Variants in AFF3 observed in about 807,000 individuals in gnomAD.
The protein encoded by AFF3 is AF4/FMR2 family member 3.
In AFF3, 32 loss-of-function variants were observed where a neutral mutation model predicts 129.7. That is an observed-to-expected ratio of 0.25 (90% CI 0.19 to 0.33). The LOEUF is 0.33. AFF3 is among the 10% of genes least tolerant of loss of function. AFF3 has a pLI of 1.00. For synonymous variants in AFF3, 644 were observed against 635.4 expected, an observed-to-expected ratio of 1.01 and a Z score of -0.20; for missense variants, 1,373 against 1,592.0, an observed-to-expected ratio of 0.86 and a Z score of 2.34.
intron 11 of AFF3, among the ~76,000 whole-genome samples, chr2:99,719,040 C>T (rs925088174): frequency 4.2e-4 from 60 of 143,064 alleles, no homozygotes; most frequent in African/African-American, 1.5e-3. Context: ...TGTGAGCCAA[C>T]GCGCCCGGCC....
At chr2:99,911,392 A>G (rs1305195351) in intron 7 of AFF3, among the ~76,000 whole-genome samples, 3 of 147,146 alleles carry the variant, frequency 2.0e-5, no homozygotes, top group Non-Finnish European at 3.0e-5. Context: ...CATCTCTGGA[A>G]AAAAAAAAAA....
intron 4 of AFF3, among the ~76,000 whole-genome samples, chr2:100,081,733 G>A (rs1173260843): frequency 6.6e-6 from 1 of 152,218 alleles, no homozygotes; most frequent in Non-Finnish European, 1.5e-5. Flanking sequence ...ATTGAGGGTT[G>A]AGTGTAAGGT....
chr2:100,024,245 A>G lies in AFF3; in HGVS notation c.54-15313T>C, dbSNP rs1024871711. Among the ~76,000 whole-genome samples, 17 of 147,752 alleles carry G rather than the reference A, an allele frequency of 1.2e-4. No individual in the cohort carries two copies. In the Admixed American group the frequency reaches 1.2e-3, roughly 10 times the overall value. ...AGACTCCGTCTCAAAAAAAAAAAAA[A>G]AAAAAAAAAAAGAATTTCACTACAG... On this transcript the variant is annotated intron_variant, in intron 4 of 24. Coordinates refer to ENST00000672756, the MANE Select transcript of AFF3 (RefSeq NM_001386135.1).
intron 4 of AFF3, among the ~76,000 whole-genome samples, chr2:100,019,290 A>G (rs1683392194): frequency 6.6e-6 from 1 of 152,356 alleles, no homozygotes; most frequent in African/African-American, 2.4e-5. Flanking sequence ...GGTTTCTGAA[A>G]AGGACTAAGA....
In AFF3 at chr2:100,139,963, G is replaced by A. The variant is rs111673820; in HGVS notation, c.-228+2521C>T. On this transcript the variant is annotated intron_variant, in intron 1 of 24. Transcript: ENST00000672756. ...AAATTATGGAACATCAGCTCCAGAG[G>A]GTGCAAATGGGTCATTTGAAAGAAC... 2.0e-3 allele frequency among the ~76,000 whole-genome samples: 301 copies of A among 152,218 alleles called. 1 individual carries two copies. Among genetic ancestry groups the A allele is most frequent in the South Asian group, 4.2e-3 (20 of 4,814 alleles).
intron 14 of AFF3, among the ~76,000 whole-genome samples, chr2:99,601,105 C>G (rs981852081): frequency 7.2e-5 from 11 of 152,184 alleles, no homozygotes; most frequent in African/African-American, 2.4e-4. Flanking sequence ...AGCGACTGCC[C>G]TGGCTGACCC....
chr2:99,579,346 G>A lies in AFF3; in HGVS notation c.2794-895C>T, dbSNP rs530349338. 1.7e-4 allele frequency among the ~76,000 whole-genome samples: 26 copies of A among 149,306 alleles called. No homozygotes were observed. In the East Asian group the frequency reaches 4.0e-3, roughly 23 times the overall value. ...CTTGAAACCTGGAGGCAGAGGTTGC[G>A]GTGAGCCGAGACCATGCCATTGCAC... On this transcript the variant is annotated intron_variant, in intron 17 of 24. Transcript: ENST00000672756.
At chr2:100,134,397 T>C (rs1692550626) in intron 1 of AFF3, among the ~76,000 whole-genome samples, 1 of 152,244 alleles carries the variant, frequency 6.6e-6, no homozygotes, top group Non-Finnish European at 1.5e-5. Context: ...CTGAATTTAT[T>C]TGACAGAGCT....
chr2:99,672,627 T>C (rs1558730252), intron 11 of AFF3, 38 bp from the exon 12 acceptor site: 6 of 1,593,128 alleles, frequency 3.8e-6, no homozygotes, highest in South Asian at 2.2e-5. Context: ...GAGGTACAGA[T>C]AGTTAGTGGA....
intron 8 of AFF3, among the ~76,000 whole-genome samples, chr2:99,758,535 G>A (rs999926642): frequency 5.5e-5 from 7 of 127,496 alleles, no homozygotes; most frequent in Admixed American, 4.1e-4. Context: ...GCAGTGAGCC[G>A]AAATCATGCC....
At chr2:99,775,322 T>C (rs911201260) in intron 8 of AFF3, among the ~76,000 whole-genome samples, 1 of 152,148 alleles carries the variant, frequency 6.6e-6, no homozygotes, top group African/African-American at 2.4e-5. Flanking sequence ...CCATCAATGA[T>C]AGACTGAATA....
chr2:99,992,745 T>C (rs908579057), intron 7 of AFF3, among the ~76,000 whole-genome samples: 1 of 152,230 alleles, frequency 6.6e-6, no homozygotes, highest in Admixed American at 6.5e-5. Flanking sequence ...AAATGATTCC[T>C]TCCTTTGAAG....
intron 24 of AFF3, among the ~76,000 whole-genome samples, chr2:99,552,283 C>T (rs969856307): frequency 3.3e-5 from 5 of 151,980 alleles, no homozygotes; most frequent in African/African-American, 7.3e-5. Context: ...CCAGCTACTC[C>T]GGAGGCTGAG....
At chr2:99,554,114 C>T (rs1674688127) in intron 24 of AFF3, among the ~76,000 whole-genome samples, 197 bp downstream of exon 24, 1 of 151,992 alleles carries the variant, frequency 6.6e-6, no homozygotes, top group Non-Finnish European at 1.5e-5. Flanking sequence ...AATCAATGTA[C>T]TAGGATATTA....
intron 4 of AFF3, among the ~76,000 whole-genome samples, chr2:100,077,452 G>A (rs1688671426): frequency 2.0e-5 from 3 of 152,056 alleles, no homozygotes; most frequent in Admixed American, 2.0e-4. Flanking sequence ...CAAGGAAACA[G>A]ATTCTCCCCT....
chr2:99,851,074 C>T (rs1487212337), intron 7 of AFF3, among the ~76,000 whole-genome samples: 1 of 152,160 alleles, frequency 6.6e-6, no homozygotes, highest in Non-Finnish European at 1.5e-5. Context: ...TTCATTTGCT[C>T]AGAGAGAAGG....
chr2:99,908,129 T>C (rs1694851627), intron 7 of AFF3, among the ~76,000 whole-genome samples: 1 of 152,230 alleles, frequency 6.6e-6, no homozygotes, highest in African/African-American at 2.4e-5. Context: ...AACCAATAAC[T>C]GGTCACCTAT....
At chr2:99,643,135 C>G (rs1684366745) in intron 13 of AFF3, among the ~76,000 whole-genome samples, 1 of 142,946 alleles carries the variant, frequency 7.0e-6, no homozygotes, top group Admixed American at 7.3e-5. Flanking sequence ...TCTCGGCTCA[C>G]TGCAACCCCC....
intron 15 of AFF3, 76 bp from the exon 16 acceptor site, chr2:99,587,354 C>A: frequency 6.4e-7 from 1 of 1,556,892 alleles, no homozygotes; most frequent in South Asian, 1.2e-5. Flanking sequence ...CCGACTTCCA[C>A]AGAGCAAGGC....
Sources: gnomAD v4.1 joint callset for allele counts (sites outside exome capture counted in the v4.1 genomes callset) on GRCh38, gnomAD v4.1.1 for gene constraint, MANE v1.5 for transcripts, NCBI Gene and HGNC (gene_info 2026-07-23, HGNC 2026-07-21) for gene names.